Variants in FCHO1 observed in about 807,000 individuals in gnomAD.
FCHO1 encodes the protein FCH and mu domain containing endocytic adaptor 1.
In FCHO1, 45 loss-of-function variants were observed where a neutral mutation model predicts 114.4. The ratio of observed to expected loss-of-function variants is 0.39; its 90% confidence interval spans 0.31 to 0.50. The LOEUF (loss-of-function observed/expected upper bound fraction) is 0.50. Among genes scored for constraint, FCHO1 ranks in the 20% least tolerant of loss-of-function variants. FCHO1 has a pLI of 0.77. For missense variants in FCHO1, 1,042 were observed against 1,209.6 expected (o/e 0.86, Z 2.06); for synonymous variants, 480 against 488.9 (o/e 0.98, Z 0.24).
chr19:17,782,839 C>A (rs2093550328), intron 23 of FCHO1, among the ~76,000 whole-genome samples, 178 bp from the exon 24 acceptor site: 1 of 151,988 alleles, frequency 6.6e-6, no homozygotes, highest in Non-Finnish European at 1.5e-5. Context: ...TGGATTCTTC[C>A]TGTCCAGGCA....
At chr19:17,787,536 G>A in intron 27 of FCHO1, 146 bp from the exon 28 acceptor site, 1 of 895,742 alleles carries the variant, frequency 1.1e-6, no homozygotes, top group Non-Finnish European at 1.6e-6. Context: ...TGCCAGGAGA[G>A]ACAGATGCAG....
intron 5 of FCHO1, among the ~76,000 whole-genome samples, chr19:17,763,296 T>G (rs2087154343): frequency 7.2e-6 from 1 of 139,160 alleles, no homozygotes; most frequent in Admixed American, 7.4e-5. Flanking sequence ...AGAGTTTTGC[T>G]CTTGTTGCCC....
chr19:17,788,139 T>G lies in FCHO1; in HGVS notation c.2648-145T>G, dbSNP rs2094078436. 20 of 518,718 alleles carry G rather than the reference T, an allele frequency of 3.9e-5. No homozygotes were observed. In the East Asian group the frequency reaches 1.2e-3, roughly 32 times the overall value. 32.1% of individuals were successfully genotyped at this position (518,718 alleles called of 1,614,324 possible). A position where few individuals can be genotyped will look rare whatever the true frequency, so the allele number is the denominator to read the frequency against. On this transcript the variant is annotated intron_variant, in intron 28 of 28. Coordinates refer to ENST00000596536, the MANE Select transcript of FCHO1 (RefSeq NM_015122.3). ...TCTCCTGCCCCCAACAAGGGGCTCC[T>G]GGGGCCCAGTGGCAACAGGGACTAT...
At position 17,785,875 on chromosome 19, in the gene FCHO1, C is replaced by T. The variant is rs559672366; in HGVS notation, c.2427-699C>T. ...AGTAGTGGTAGTGTGCTCTTGTAGTCCCAGCTACTCGGGAGGCTGAGACAG... is the reference window on the plus strand; with the variant it reads ...AGTAGTGGTAGTGTGCTCTTGTAGTTCCAGCTACTCGGGAGGCTGAGACAG... On this transcript the variant is annotated intron_variant, in intron 26 of 28. Transcript: ENST00000596536. Among the ~76,000 whole-genome samples the T allele has an allele frequency of 2.6e-5, 4 of 151,062 alleles. No homozygotes were observed. The South Asian group carries it at 8.3e-4, about 31-fold the overall frequency.
chr19:17,774,233 T>A lies in FCHO1; in HGVS notation c.791-6T>A. On this transcript the variant is annotated splice_polypyrimidine_tract_variant and splice_region_variant and intron_variant, in intron 11 of 28. Transcript: ENST00000596536. The stretch of plus-strand genomic sequence containing the variant: ...CCCTCAATTGAGTTTCCGTCTCCTG[T>A]CTCAGGACCTCTGGACTTCGAGGCA... The A allele has an allele frequency of 6.2e-7, 1 of 1,613,950 alleles. No individual in the cohort carries two copies. Among genetic ancestry groups the A allele is most frequent in the Non-Finnish European group, 8.5e-7 (1 of 1,179,968 alleles).
chr19:17,781,953 C>A (rs1043440693), intron 23 of FCHO1, 133 bp downstream of exon 23: 1 of 582,340 alleles, frequency 1.7e-6, no homozygotes, highest in Non-Finnish European at 2.9e-6. Context: ...GTGACCAGGC[C>A]CCTGTCCTGA....
At chr19:17,759,645 G>A (rs945236172) in intron 4 of FCHO1, among the ~76,000 whole-genome samples, 1 of 152,058 alleles carries the variant, frequency 6.6e-6, no homozygotes, top group African/African-American at 2.4e-5. Context: ...CAGAAGGTGT[G>A]TATGAGGCCG....
chr19:17,754,947 T>C (rs2082949585), intron 3 of FCHO1, 171 bp from the exon 4 acceptor site: 5 of 587,482 alleles, frequency 8.5e-6, no homozygotes, highest in Middle Eastern at 4.8e-4. Flanking sequence ...CTGGAGCTAC[T>C]TGGGACCAGC....
At position 17,786,564 on chromosome 19, in the gene FCHO1, T is replaced by C; in HGVS notation, c.2427-10T>C. On this transcript the variant is annotated splice_polypyrimidine_tract_variant and intron_variant, in intron 26 of 28. Transcript: ENST00000596536. ...TGGGGAAGCCCTGATTAAGATTCTTTCTCTGCCAGGAACCTGGAGGAGAAG... is the reference window on the plus strand; with the variant it reads ...TGGGGAAGCCCTGATTAAGATTCTTCCTCTGCCAGGAACCTGGAGGAGAAG... The C allele has an allele frequency of 6.2e-7, 1 of 1,600,580 alleles. No homozygotes were observed. The highest frequency in any genetic ancestry group is 1.1e-5 in the South Asian group (1 of 90,730).
At chr19:17,766,223 C>A (rs1324717333) in intron 6 of FCHO1, among the ~76,000 whole-genome samples, 1 of 146,132 alleles carries the variant, frequency 6.8e-6, no homozygotes, top group Non-Finnish European at 1.5e-5. Flanking sequence ...GTCACCCAGG[C>A]TGGAGTGCAG....
At chr19:17,759,683 A>G (rs1483524459) in intron 4 of FCHO1, among the ~76,000 whole-genome samples, 1 of 152,018 alleles carries the variant, frequency 6.6e-6, no homozygotes, top group Admixed American at 6.6e-5. Context: ...CTGTAATCCC[A>G]GCACTTTGGG....
rs767788386 is a variant in FCHO1 at position 17,766,784 on chromosome 19, G to A, written c.310G>A (p.Glu104Lys). The change falls in exon 7 of 29, where the codon GAG (glutamate) becomes AAG (lysine). Residue 104 changes from glutamate to lysine, a missense_variant. Around this residue, in one of 3 missense-constraint regions of FCHO1, gnomAD observed 450 missense variants for 564.1 expected, o/e 0.80. Coordinates refer to ENST00000596536, the MANE Select transcript of FCHO1 (RefSeq NM_015122.3). ...DLIKDVLRYGEEQLKTHKKCK... is the reference protein window; with the variant it reads ...DLIKDVLRYGKEQLKTHKKCK... ...CATCAAGGACGTTCTCCGCTACGGC[G>A]AGGAACAGCTCAAGACCCACAAGAA... 7 of 1,614,076 alleles carry A rather than the reference G, an allele frequency of 4.3e-6. No homozygotes were observed. Among genetic ancestry groups the A allele is most frequent in the Non-Finnish European group, 5.9e-6 (7 of 1,179,988 alleles).
Position 17,778,842 on chromosome 19 carries a change from T to C in FCHO1, c.1585T>C (p.Ser529Pro). 1 of 1,563,534 alleles carries C rather than the reference T, an allele frequency of 6.4e-7. No homozygotes were observed. The highest frequency in any genetic ancestry group is 1.2e-5 in the South Asian group (1 of 86,550). Residue 529 changes from serine to proline, a missense_variant, in exon 20 of 29, where the codon TCG becomes CCG. Transcript: ENST00000596536. ...PLPDSPQPLA[S>P]SPGPWGLEAL... is the part of the protein sequence containing the mutation. ...GCCAGACTCGCCGCAGCCCCTCGCC[T>C]CGTCTCCAGGCCCCTGGGGGCTGGA...
At chr19:17,755,426 G>C (rs1198433691) in intron 4 of FCHO1, 1 of 404,654 alleles carries the variant, frequency 2.5e-6, no homozygotes, top group Non-Finnish European at 4.5e-6. Flanking sequence ...CCAAGGGCCA[G>C]AGTGGGAACG....
intron 20 of FCHO1, among the ~76,000 whole-genome samples, chr19:17,780,886 A>G (rs2093339941): frequency 6.6e-6 from 1 of 152,182 alleles, no homozygotes; most frequent in Admixed American, 6.5e-5. Context: ...AGGTTCTCGG[A>G]AAGGGTAGAG....
chr19:17,784,309 C>A lies in FCHO1; in HGVS notation c.2226+74C>A. ...GGTGAGCCGGCAGCAGACATGGAGGCGCCTGCGTGTTGGCCAGGCTGGTCT... is the reference window on the plus strand; with the variant it reads ...GGTGAGCCGGCAGCAGACATGGAGGAGCCTGCGTGTTGGCCAGGCTGGTCT... On this transcript the variant is annotated intron_variant, in intron 25 of 28. Transcript: ENST00000596536. The surrounding 1 kb of genome is among the most constrained non-coding windows in gnomAD (Gnocchi z 5.3). 1 of 1,516,512 alleles carries A rather than the reference C, an allele frequency of 6.6e-7. No homozygotes were observed. The highest frequency in any genetic ancestry group is 1.2e-5 in the South Asian group (1 of 81,798). The allele number at this position is 1,516,512 out of a possible 1,614,324, so 93.9% of individuals were successfully genotyped here.
chr19:17,778,808 A>C lies in FCHO1; in HGVS notation c.1551A>C (p.Ala517=). The C allele has an allele frequency of 2.6e-6, 4 of 1,545,580 alleles. No individual in the cohort carries two copies. The highest frequency in any genetic ancestry group is 3.5e-6 in the Non-Finnish European group (4 of 1,152,202). Reference sequence around the variant, plus strand: ...CCCCAGAGGCCAGGGGTATCCGGGCACCGCCTCTGCCAGACTCGCCGCAGC... The same window carrying C: ...CCCCAGAGGCCAGGGGTATCCGGGCCCCGCCTCTGCCAGACTCGCCGCAGC... The part of the protein sequence containing the change: ...APPPEARGIR[A]PPLPDSPQPL... The change falls in exon 20 of 29, where the codon GCA becomes GCC. Residue 517 remains alanine, a synonymous_variant. Transcript: ENST00000596536.
Position 17,781,848 on chromosome 19 carries a change from G to T in FCHO1, c.1937+28G>T, listed in dbSNP as rs1243317808. 10 of 1,479,748 alleles carry T rather than the reference G, an allele frequency of 6.8e-6. No individual in the cohort carries two copies. The African/African-American group carries it at 1.4e-4, about 21-fold the overall frequency. 91.7% of individuals were successfully genotyped at this position (1,479,748 alleles called of 1,614,324 possible). ...ACCCAGTGATGGGCAGACAGGGCCCGTGGGAAGTCTGTGTTGGGGGAGTCC... is the reference window on the plus strand; with the variant it reads ...ACCCAGTGATGGGCAGACAGGGCCCTTGGGAAGTCTGTGTTGGGGGAGTCC... On this transcript the variant is annotated intron_variant, in intron 23 of 28. Transcript: ENST00000596536.
Position 17,778,755 on chromosome 19 carries a change from C to G in FCHO1, c.1498C>G (p.Gln500Glu). 1 of 1,539,196 alleles carries G rather than the reference C, an allele frequency of 6.5e-7. No homozygotes were observed. The highest frequency in any genetic ancestry group is 1.2e-5 in the South Asian group (1 of 84,198). ...DSWVPRPGTPQSPPSCRAPPP... is the reference protein window; with the variant it reads ...DSWVPRPGTPESPPSCRAPPP... ...CTGGGTCCCCCGCCCAGGCACCCCG[C>G]AGAGCCCGCCCAGCTGTAGGGCGCC... Residue 500 changes from glutamine (Q) to glutamate (E), a missense_variant, in exon 20 of 29, where the codon CAG becomes GAG. Gln to Glu is a conservative substitution (Grantham distance 29). Around this residue, in one of 3 missense-constraint regions of FCHO1, gnomAD observed 455 missense variants for 455.4 expected, o/e 1.00. Coordinates refer to ENST00000596536, the MANE Select transcript of FCHO1 (RefSeq NM_015122.3).
Sources: allele counts gnomAD v4.1 joint callset (sites outside exome capture counted in the v4.1 genomes callset), GRCh38; gene constraint gnomAD v4.1.1; regional missense constraint gnomAD v4.1.1; non-coding constraint Gnocchi (gnomAD v3.1); transcripts MANE v1.5; gene names NCBI Gene and HGNC (gene_info 2026-07-23, HGNC 2026-07-21).